Variants in NAT10 observed in about 807,000 individuals in gnomAD.
The protein encoded by NAT10 is RNA cytidine acetyltransferase.
Under a neutral mutation model 132.2 loss-of-function variants are expected in NAT10, and 109 were observed. That is an observed-to-expected ratio of 0.82 (90% CI 0.71 to 0.97). The LOEUF is 0.97. NAT10 is among the 50% of genes least tolerant of loss of function. NAT10 has a pLI of 0.00. For missense variants in NAT10, 1,184 were observed against 1,263.4 expected (o/e 0.94, Z 0.95); for synonymous variants, 479 against 478.0 (o/e 1.00, Z -0.03).
intron 21 of NAT10, chr11:34,138,832 G>A (rs34054302): frequency 3.1e-4 from 65 of 212,502 alleles, no homozygotes; most frequent in Admixed American, 3.6e-4. Flanking sequence ...ACTGGATTGT[G>A]TGGCGCTTAA....
intron 3 of NAT10, 86 bp from the exon 4 acceptor site, chr11:34,111,966 G>A: frequency 1.3e-6 from 2 of 1,494,190 alleles, no homozygotes; most frequent in South Asian, 1.2e-5. Context: ...GTCTAAGTGG[G>A]TGATCACTGA....
chr11:34,111,751 T>C (rs759078579), intron 3 of NAT10, among the ~76,000 whole-genome samples: 9 of 152,372 alleles, frequency 5.9e-5, no homozygotes, highest in Middle Eastern at 3.4e-3. Flanking sequence ...AGCTCTGGCT[T>C]TGGCCAAATG....
chr11:34,119,183 G>A (rs1851840359), intron 8 of NAT10, among the ~76,000 whole-genome samples: 1 of 152,216 alleles, frequency 6.6e-6, no homozygotes, highest in Non-Finnish European at 1.5e-5. Flanking sequence ...TGCTCATTGA[G>A]GTGGTCTGCA....
chr11:34,122,672 T>C, intron 9 of NAT10, 80 bp downstream of exon 9: 2 of 1,550,150 alleles, frequency 1.3e-6, no homozygotes, highest in Non-Finnish European at 1.8e-6. Flanking sequence ...AGAGGACTGG[T>C]ATCTCACGTT....
rs150286883 is a variant in NAT10, at chr11:34,109,999, A to G, written c.200+1166A>G. On this transcript the variant is annotated intron_variant, in intron 3 of 28. Coordinates refer to ENST00000257829, the MANE Select transcript of NAT10 (RefSeq NM_024662.3). ...GTGGGGTTGGTCATAGCATAATACAAAGTTGGAAGTTCTACCTACAACTTT... is the reference window on the plus strand; with the variant it reads ...GTGGGGTTGGTCATAGCATAATACAGAGTTGGAAGTTCTACCTACAACTTT... Among the ~76,000 whole-genome samples the G allele has an allele frequency of 8.5e-5, 13 of 152,248 alleles. No homozygotes were observed. In the East Asian group the frequency reaches 2.3e-3, roughly 27 times the overall value.
At chr11:34,111,082 G>C (rs1044378880) in intron 3 of NAT10, among the ~76,000 whole-genome samples, 6 of 152,230 alleles carry the variant, frequency 3.9e-5, no homozygotes, top group African/African-American at 1.2e-4. Context: ...TGGCAAATAT[G>C]AGATGGGTGT....
chr11:34,108,870 A>G (rs1484096875), intron 3 of NAT10, 37 bp downstream of exon 3: 1 of 1,554,498 alleles, frequency 6.4e-7, no homozygotes, highest in Admixed American at 1.9e-5. Flanking sequence ...TCCAACTTAC[A>G]ATTCCTGCTC....
chr11:34,117,604 A>T (rs1851804032), intron 6 of NAT10, among the ~76,000 whole-genome samples: 1 of 152,242 alleles, frequency 6.6e-6, no homozygotes, highest in Non-Finnish European at 1.5e-5. Flanking sequence ...TGTGCTACTG[A>T]ATACAACAGA....
intron 5 of NAT10, 27 bp downstream of exon 5, chr11:34,113,865 G>A (rs1378085906): frequency 6.2e-7 from 1 of 1,609,704 alleles, no homozygotes; most frequent in East Asian, 2.2e-5. Flanking sequence ...TAACTTAATT[G>A]TGAGGGTTCA....
rs767272704 is a variant in NAT10, at chr11:34,112,077, C to T, written c.226C>T (p.Leu76=). 1 of 1,614,192 alleles carries T rather than the reference C, an allele frequency of 6.2e-7. No individual in the cohort carries two copies. The highest frequency in any genetic ancestry group is 8.5e-7 in the Non-Finnish European group (1 of 1,180,034). The change falls in exon 4 of 29, where the codon CTG becomes TTG. Residue 76 remains leucine, a synonymous_variant. Transcript: ENST00000257829. Reference sequence around the variant, plus strand: ...TCACCGGAAGAAAAGAATGCGACAGCTGCAGAAGAAAATAAAGAATGGAAC... The same window carrying T: ...TCACCGGAAGAAAAGAATGCGACAGTTGCAGAAGAAAATAAAGAATGGAAC... The part of the protein sequence containing the change: ...SSHRKKRMRQ[L]QKKIKNGTLN...
chr11:34,113,986 GA>G, intron 5 of NAT10, 148 bp downstream of exon 5: 2 of 960,860 alleles, frequency 2.1e-6, no homozygotes, highest in South Asian at 2.0e-5. Flanking sequence ...TTTAACTAAT[GA>G]AAAAGTCACT....
At chr11:34,134,667 G>T in intron 18 of NAT10, 81 bp downstream of exon 18, 3 of 1,423,920 alleles carry the variant, frequency 2.1e-6, no homozygotes, top group Non-Finnish European at 3.0e-6. Flanking sequence ...GGAATAAGAA[G>T]CTGGTCAAGC....
At chr11:34,137,124 C>T (rs929892235) in intron 21 of NAT10, 98 bp downstream of exon 21, 14 of 1,329,084 alleles carry the variant, frequency 1.1e-5, no homozygotes, top group Admixed American at 7.3e-5. Flanking sequence ...CCTGCTGCAT[C>T]GCTCTGAGCA....
intron 20 of NAT10, 48 bp downstream of exon 20, chr11:34,136,823 A>G (rs890716103): frequency 6.2e-7 from 1 of 1,613,622 alleles, no homozygotes; most frequent in African/African-American, 1.3e-5. Context: ...GCATTGAGAA[A>G]GAAGAGTTCT....
chr11:34,118,185 TTCTG>T lies in NAT10; in HGVS notation c.567_570del (p.Ser190TrpfsTer45). 1 of 1,613,430 alleles carries T rather than the reference TTCTG, an allele frequency of 6.2e-7. No homozygotes were observed. The highest frequency in any genetic ancestry group is 8.5e-7 in the Non-Finnish European group (1 of 1,179,330). On this transcript the variant is annotated frameshift_variant, in exon 7 of 29. Transcript: ENST00000257829. LOFTEE classifies it high-confidence loss of function. ...GCAGCGGTTTTGTATCTCAGGTTTA[TTCTG>T]TCTCTGGCCTCTTGTAAGAAGTGTC...
Position 34,118,156 on chromosome 11 carries a change from C to A in NAT10, c.558-24C>A, listed in dbSNP as rs766906133. On this transcript the variant is annotated intron_variant, in intron 6 of 28. Transcript: ENST00000257829. ...ACATTGCATGCCCTCCCCAACACTT[C>A]ATTGCAGCGGTTTTGTATCTCAGGT... 2.5e-6 allele frequency: 4 copies of A among 1,575,396 alleles called. No homozygotes were observed. The South Asian group carries it at 4.4e-5, about 17-fold the overall frequency.
At chr11:34,128,162 T>C (rs1192205753) in intron 12 of NAT10, among the ~76,000 whole-genome samples, 1 of 152,044 alleles carries the variant, frequency 6.6e-6, no homozygotes, top group East Asian at 1.9e-4. Flanking sequence ...GAGACCAGCC[T>C]GACCAACATG....
intron 8 of NAT10, 73 bp downstream of exon 8, chr11:34,118,576 G>A (rs1198075869): frequency 1.1e-5 from 14 of 1,264,106 alleles, no homozygotes; most frequent in African/African-American, 1.5e-5. Flanking sequence ...AGAAGCCAAG[G>A]TACGTTGACT....
Position 34,136,662 on chromosome 11 carries a change from G to A in NAT10, c.2049G>A (p.Glu683=). 1 of 1,614,134 alleles carries A rather than the reference G, an allele frequency of 6.2e-7. No individual in the cohort carries two copies. The highest frequency in any genetic ancestry group is 8.5e-7 in the Non-Finnish European group (1 of 1,180,026). Residue 683 remains glutamate, a synonymous_variant, in exon 20 of 29, where the codon GAG becomes GAA. Coordinates refer to ENST00000257829, the MANE Select transcript of NAT10 (RefSeq NM_024662.3). ...CCCAGGCTGTCAGCTTGTTGGAAGA[G>A]GTCATCACTCCCCGGAAGGACCTGC... ...VSSEAVSLLE[E]VITPRKDLPP...
Sources: allele counts gnomAD v4.1 joint callset (sites outside exome capture counted in the v4.1 genomes callset), GRCh38; gene constraint gnomAD v4.1.1; transcripts MANE v1.5; gene names NCBI Gene and HGNC (gene_info 2026-07-23, HGNC 2026-07-21).